The following OXCT1 variants were observed in gnomAD, a reference collection of about 807,000 sequenced individuals.
OXCT1 encodes the protein succinyl-CoA:3-ketoacid coenzyme A transferase 1, mitochondrial.
A neutral mutation model predicts 69.6 loss-of-function variants in OXCT1; 27 were observed. That is an observed-to-expected ratio of 0.39 (90% CI 0.29 to 0.54). OXCT1 has a LOEUF of 0.54. OXCT1 is among the 20% of genes least tolerant of loss of function. OXCT1 has a pLI of 0.72. For missense variants in OXCT1, 437 were observed against 650.2 expected (o/e 0.67, Z 3.57); for synonymous variants, 202 against 217.8 (o/e 0.93, Z 0.64).
chr5:41,833,330 C>T (rs1001652964), intron 7 of OXCT1, among the ~76,000 whole-genome samples: 1 of 152,016 alleles, frequency 6.6e-6, no homozygotes, highest in Non-Finnish European at 1.5e-5. Flanking sequence ...GGAAACATTA[C>T]AAGCCAGGAA....
At chr5:41,754,852 A>T (rs1743981527) in intron 14 of OXCT1, among the ~76,000 whole-genome samples, 1 of 152,054 alleles carries the variant, frequency 6.6e-6, no homozygotes, top group Admixed American at 6.6e-5. Context: ...TCTCAAGGGG[A>T]AGACTAGCCA....
intron 14 of OXCT1, among the ~76,000 whole-genome samples, chr5:41,752,450 C>G (rs1197912428): frequency 6.6e-6 from 1 of 152,042 alleles, no homozygotes; most frequent in Admixed American, 6.6e-5. Context: ...AGATACAAAG[C>G]ATAGCATTAA....
At chr5:41,804,557 C>T (rs527539294) in intron 9 of OXCT1, among the ~76,000 whole-genome samples, 1 of 152,138 alleles carries the variant, frequency 6.6e-6, no homozygotes, top group African/African-American at 2.4e-5. Flanking sequence ...TTGAGAAGTC[C>T]AGTGACCAAC....
At chr5:41,823,344 G>T (rs1328317956) in intron 7 of OXCT1, among the ~76,000 whole-genome samples, 2 of 152,098 alleles carry the variant, frequency 1.3e-5, no homozygotes, top group Admixed American at 1.3e-4. Flanking sequence ...CTCTGGTAGG[G>T]ATCCTAGACA....
chr5:41,864,546 A>C (rs1302503885), intron 1 of OXCT1, among the ~76,000 whole-genome samples: 2 of 152,348 alleles, frequency 1.3e-5, no homozygotes, highest in Non-Finnish European at 2.9e-5. Flanking sequence ...CTGAATAAAC[A>C]GGCCAACAGA....
intron 7 of OXCT1, among the ~76,000 whole-genome samples, chr5:41,810,683 A>G (rs1579785595): frequency 6.6e-6 from 1 of 152,082 alleles, no homozygotes; most frequent in African/African-American, 2.4e-5. Context: ...AAGCTTAGAG[A>G]AGGATAAGAA....
chr5:41,842,649 G>T, intron 6 of OXCT1, 26 bp downstream of exon 6: 1 of 1,472,592 alleles, frequency 6.8e-7, no homozygotes, highest in Non-Finnish European at 9.5e-7. Flanking sequence ...TGATATGCAC[G>T]AGTGTTTTTA....
intron 11 of OXCT1, among the ~76,000 whole-genome samples, chr5:41,796,576 T>C (rs1022697128): frequency 2.0e-5 from 3 of 152,318 alleles, no homozygotes; most frequent in Non-Finnish European, 4.4e-5. Flanking sequence ...AACTTGAGTA[T>C]GGAGAAAGAG....
At chr5:41,817,074 C>T (rs557136823) in intron 7 of OXCT1, among the ~76,000 whole-genome samples, 54 of 152,040 alleles carry the variant, frequency 3.6e-4, no homozygotes, top group African/African-American at 1.3e-3. Flanking sequence ...AACTCATTCC[C>T]AAAACTCAAC....
At chr5:41,776,585 T>A (rs562470999) in intron 13 of OXCT1, among the ~76,000 whole-genome samples, 22 of 152,308 alleles carry the variant, frequency 1.4e-4, no homozygotes, top group African/African-American at 5.3e-4. Context: ...AGAAAACAAG[T>A]GAATTTGAGA....
At chr5:41,753,533 C>T (rs1743915498) in intron 14 of OXCT1, among the ~76,000 whole-genome samples, 2 of 152,070 alleles carry the variant, frequency 1.3e-5, no homozygotes, top group South Asian at 2.1e-4. Flanking sequence ...CAACACCCTT[C>T]CTATTCAGGA....
At chr5:41,778,806 C>G (rs1023516244) in intron 13 of OXCT1, among the ~76,000 whole-genome samples, 7 of 152,210 alleles carry the variant, frequency 4.6e-5, no homozygotes, top group Non-Finnish European at 1.0e-4. Flanking sequence ...TAATTGTATT[C>G]CTCAAGCTTT....
rs997704325 is a variant in OXCT1 at position 41,762,327 on chromosome 5, G to A, written c.1249-127C>T. 7.6e-6 allele frequency: 6 copies of A among 793,794 alleles called. No individual in the cohort carries two copies. The highest frequency in any genetic ancestry group is 4.1e-5 in the South Asian group (3 of 72,690). The allele number at this position is 793,794 out of a possible 1,614,324, so 49.2% of individuals were successfully genotyped here. A position where few individuals can be genotyped will look rare whatever the true frequency, so the allele number is the denominator to read the frequency against. ...CATTGTCCTTCATTGCTTAGTGCTT[G>A]AAGTTCTATAACCTAATATTCTGTC... On this transcript the variant is annotated intron_variant, in intron 13 of 16. Transcript: ENST00000196371. The surrounding 1 kb of genome is among the most constrained non-coding windows in gnomAD (Gnocchi z 4.0).
chr5:41,733,234 T>C (rs1287192575), intron 16 of OXCT1, among the ~76,000 whole-genome samples: 1 of 151,012 alleles, frequency 6.6e-6, no homozygotes, highest in Admixed American at 6.7e-5. Flanking sequence ...GTGGAAATAA[T>C]TTAGTGAAAC....
chr5:41,802,791 A>G (rs749624941), intron 10 of OXCT1, among the ~76,000 whole-genome samples: 1 of 152,226 alleles, frequency 6.6e-6, no homozygotes, highest in Middle Eastern at 3.4e-3. Context: ...CATAAAATAC[A>G]ATACTACATT....
intron 7 of OXCT1, among the ~76,000 whole-genome samples, chr5:41,827,107 T>C (rs1274074156): frequency 6.6e-6 from 1 of 152,188 alleles, no homozygotes; most frequent in Non-Finnish European, 1.5e-5. Flanking sequence ...AGTCTCCTCA[T>C]TGGTCTGCCC....
chr5:41,861,545 A>C, intron 2 of OXCT1, 141 bp from the exon 3 acceptor site: 1 of 697,608 alleles, frequency 1.4e-6, no homozygotes, highest in Non-Finnish European at 2.6e-6. Context: ...GATATATCTC[A>C]GCAGCTAAGT....
At chr5:41,832,017 C>T (rs1411587956) in intron 7 of OXCT1, among the ~76,000 whole-genome samples, 5 of 152,170 alleles carry the variant, frequency 3.3e-5, no homozygotes, top group Non-Finnish European at 7.3e-5. Flanking sequence ...CATTTGTCCA[C>T]ACCTCAGGAG....
At chr5:41,831,934 C>T (rs965701800) in intron 7 of OXCT1, among the ~76,000 whole-genome samples, 1 of 152,182 alleles carries the variant, frequency 6.6e-6, no homozygotes, top group Non-Finnish European at 1.5e-5. Flanking sequence ...CAGACATACC[C>T]ATGATCTTTT....
Sources: gnomAD v4.1 joint callset for allele counts (sites outside exome capture counted in the v4.1 genomes callset) on GRCh38, gnomAD v4.1.1 for gene constraint, Gnocchi (gnomAD v3.1) non-coding constraint, MANE v1.5 for transcripts, NCBI Gene and HGNC (gene_info 2026-07-23, HGNC 2026-07-21) for gene names.